The following SEMA5B variants were observed in gnomAD, a reference collection of about 807,000 sequenced individuals.
SEMA5B encodes semaphorin-5B.
SEMA5B carries 66 observed loss-of-function variants against 135.0 expected under a neutral mutation model. That is an observed-to-expected ratio of 0.49 (90% confidence interval 0.40 to 0.60). The LOEUF (loss-of-function observed/expected upper bound fraction) is 0.60, where lower values mean the gene tolerates loss of function less well. SEMA5B is among the 20% of genes least tolerant of loss of function. SEMA5B has a pLI of 0.00. For missense variants in SEMA5B, 1,501 were observed against 1,566.3 expected (o/e 0.96, Z 0.70); for synonymous variants, 690 against 639.5 (o/e 1.08, Z -1.19).
intron 5 of SEMA5B, among the ~76,000 whole-genome samples, chr3:122,938,748 A>G (rs1190155142): frequency 6.6e-6 from 1 of 152,206 alleles, no homozygotes; most frequent in Non-Finnish European, 1.5e-5. Context: ...CCCTCATTGA[A>G]GAAGAGATGG....
At chr3:123,028,072 C>T (rs1232254918), upstream of SEMA5B, among the ~76,000 whole-genome samples, 1 of 152,154 alleles carries the variant, frequency 6.6e-6, no homozygotes, top group African/African-American at 2.4e-5. Flanking sequence ...CCGCCGTTTG[C>T]CACATCCCGC....
At chr3:122,913,464 C>T in intron 16 of SEMA5B, 40 bp from the exon 17 acceptor site, 2 of 1,562,750 alleles carry the variant, frequency 1.3e-6, no homozygotes, top group Non-Finnish European at 1.7e-6. Context: ...ACCCCACGGC[C>T]TCCAGGCCCG....
Position 122,915,420 on chromosome 3 carries a change from T to TA in SEMA5B, c.1988+19dup, listed in dbSNP as rs1938011826. ...ACCCTGGTCCAAGGCAGACACCATGTAAACCCTGTCCTCACATACCTGGAG... is the reference window on the plus strand; with the variant it reads ...ACCCTGGTCCAAGGCAGACACCATGTAAAACCCTGTCCTCACATACCTGGAG... On this transcript the variant is annotated intron_variant, in intron 14 of 22. Transcript: ENST00000357599. 1 of 1,593,728 alleles carries TA rather than the reference T, an allele frequency of 6.3e-7. No homozygotes were observed. The highest frequency in any genetic ancestry group is 8.6e-7 in the Non-Finnish European group (1 of 1,168,466).
chr3:122,931,583 A>C (rs1291697500), intron 5 of SEMA5B, among the ~76,000 whole-genome samples: 1 of 152,242 alleles, frequency 6.6e-6, no homozygotes, highest in Non-Finnish European at 1.5e-5. Flanking sequence ...ACAAAAAAAT[A>C]CGCAAAATTG....
Position 122,913,693 on chromosome 3 carries a change from G to A in SEMA5B, c.2133-12C>T. On this transcript the variant is annotated splice_polypyrimidine_tract_variant and intron_variant, in intron 15 of 22. Transcript: ENST00000357599. ...TCTCATTACAGAACCTGGGGTCGGG[G>A]GAGAGGCGTCAATCCAGGGAGGGGG... 1 of 1,612,580 alleles carries A rather than the reference G, an allele frequency of 6.2e-7. No individual in the cohort carries two copies. Among genetic ancestry groups the A allele is most frequent in the Non-Finnish European group, 8.5e-7 (1 of 1,179,260 alleles).
chr3:122,939,373 G>A lies in SEMA5B; in HGVS notation c.474+52C>T, dbSNP rs143125210. The A allele has an allele frequency of 6.1e-4, 883 of 1,446,746 alleles. 5 individuals carry two copies. In the African/African-American group the frequency reaches 9.0e-3, roughly 15 times the overall value. The allele number at this position is 1,446,746 out of a possible 1,614,324, so 89.6% of individuals were successfully genotyped here. ...GCGCCACTTGCGTTGCCCTGCCTTG[G>A]GCTCTGGAATAGGGGAAATTATAGG... On this transcript the variant is annotated intron_variant, in intron 5 of 22. Transcript: ENST00000357599.
At chr3:122,911,690 A>AC (rs756300727) in intron 20 of SEMA5B, among the ~76,000 whole-genome samples, 155 bp from the exon 21 acceptor site, 20 of 152,228 alleles carry the variant, frequency 1.3e-4, no homozygotes, top group South Asian at 1.0e-3. Flanking sequence ...CTCTCCTCAG[A>AC]CCCCACCTCT....
At chr3:122,944,251 C>T (rs1443775005) in intron 3 of SEMA5B, among the ~76,000 whole-genome samples, 1 of 152,206 alleles carries the variant, frequency 6.6e-6, no homozygotes. Flanking sequence ...AAACACTTCA[C>T]ACTTCCCCAA....
intron 10 of SEMA5B, among the ~76,000 whole-genome samples, chr3:122,923,024 T>A (rs1253793905): frequency 6.6e-6 from 1 of 152,152 alleles, no homozygotes; most frequent in African/African-American, 2.4e-5. Context: ...CACACAGAGA[T>A]AGGCTAGATG....
At chr3:122,921,407 G>A in intron 12 of SEMA5B, among the ~76,000 whole-genome samples, 1 of 152,190 alleles carries the variant, frequency 6.6e-6, no homozygotes, top group East Asian at 1.9e-4. Flanking sequence ...ACTCCTCCAC[G>A]TGGCGCCTCA....
chr3:122,927,075 C>G (rs1166126613), intron 8 of SEMA5B, among the ~76,000 whole-genome samples: 2 of 152,236 alleles, frequency 1.3e-5, no homozygotes, highest in Non-Finnish European at 2.9e-5. Flanking sequence ...TTTTCACCAT[C>G]ACTTTTAATG....
intron 1 of SEMA5B, among the ~76,000 whole-genome samples, chr3:123,025,896 G>GC (rs1194992538): frequency 6.6e-6 from 1 of 152,170 alleles, no homozygotes; most frequent in Non-Finnish European, 1.5e-5. Context: ...TTTCAAATCT[G>GC]CCCCCCTTTT....
intron 5 of SEMA5B, among the ~76,000 whole-genome samples, chr3:122,936,433 A>G (rs1406169269): frequency 6.6e-6 from 1 of 152,186 alleles, no homozygotes; most frequent in Admixed American, 6.5e-5. Flanking sequence ...ATAAACTGGA[A>G]GAGAGCTCAG....
upstream of SEMA5B, chr3:123,028,517 C>T (rs1327808557): frequency 6.6e-6 from 1 of 152,242 alleles, no homozygotes; most frequent in African/African-American, 2.4e-5. Context: ...GGGAGGGCAG[C>T]CAAGAGATGA....
chr3:122,933,847 T>G (rs185219512), intron 5 of SEMA5B, among the ~76,000 whole-genome samples: 2 of 152,228 alleles, frequency 1.3e-5, no homozygotes, highest in East Asian at 3.9e-4. Context: ...TTAAGTTTAT[T>G]GTTTTATAAA....
At chr3:122,927,547 C>T (rs1038239487) in intron 8 of SEMA5B, among the ~76,000 whole-genome samples, 6 of 152,150 alleles carry the variant, frequency 3.9e-5, no homozygotes, top group Admixed American at 3.3e-4. Flanking sequence ...TAATTATCTC[C>T]GTCTCTCCTA....
chr3:122,919,107 A>C (rs1042028547), intron 12 of SEMA5B, among the ~76,000 whole-genome samples: 2 of 149,104 alleles, frequency 1.3e-5, no homozygotes, highest in Non-Finnish European at 3.0e-5. Context: ...TGGAAGTTGC[A>C]GGCAGGCTGA....
chr3:122,945,220 A>G (rs1231188751), intron 3 of SEMA5B, among the ~76,000 whole-genome samples: 2 of 152,214 alleles, frequency 1.3e-5, no homozygotes, highest in Admixed American at 1.3e-4. Context: ...ATTCTGCAGC[A>G]AAATGAAGCA....
At chr3:122,925,086 G>C (rs949869711) in intron 9 of SEMA5B, among the ~76,000 whole-genome samples, 4 of 152,234 alleles carry the variant, frequency 2.6e-5, no homozygotes, top group African/African-American at 9.6e-5. Flanking sequence ...CCTGACTCTC[G>C]TTTCGGTCCA....
Sources: gnomAD v4.1 joint callset for allele counts (sites outside exome capture counted in the v4.1 genomes callset) on GRCh38, gnomAD v4.1.1 for gene constraint, MANE v1.5 for transcripts, NCBI Gene and HGNC (gene_info 2026-07-23, HGNC 2026-07-21) for gene names.